The following LGSN variants were observed in gnomAD, a reference collection of about 807,000 sequenced individuals.
LGSN encodes the protein lengsin, lens protein with glutamine synthetase domain.
LGSN carries 21 observed loss-of-function variants against 19.5 expected under a neutral mutation model. That is an observed-to-expected ratio of 1.07 (90% CI 0.76 to 1.55). The LOEUF (loss-of-function observed/expected upper bound fraction) is 1.55. Ranked by LOEUF, LGSN falls within the 40% of genes most tolerant of loss-of-function variation. LGSN has a pLI of 0.00. For synonymous variants in LGSN, 257 were observed against 215.6 expected (o/e 1.19, Z -1.68); for missense variants, 673 against 608.5 (o/e 1.11, Z -1.12).
At chr6:63,448,793 A>G in the LGSN span, among the ~76,000 whole-genome samples, 1 of 151,462 alleles carries the variant, frequency 6.6e-6, no homozygotes, top group African/African-American at 2.4e-5. Flanking sequence ...CTTCTGTGTC[A>G]TGGATTTCAC....
chr6:63,413,672 C>T, the LGSN span, among the ~76,000 whole-genome samples: 17,545 of 152,094 alleles, frequency 0.12, 2,018 homozygotes, highest in African/African-American at 0.3. Flanking sequence ...ATGTATTGCA[C>T]AAAGGTTGTG....
the LGSN span, among the ~76,000 whole-genome samples, chr6:63,398,207 TAA>T: frequency 0.028 from 3,107 of 109,710 alleles, 82 homozygotes; most frequent in African/African-American, 0.068. Flanking sequence ...TCCTATTTAC[TAA>T]AAAAAAAAAA....
chr6:63,546,290 A>G, the LGSN span, among the ~76,000 whole-genome samples: 1,774 of 152,354 alleles, frequency 0.012, 29 homozygotes, highest in African/African-American at 0.04. Context: ...AGGCACAGAA[A>G]GACACATACT....
the LGSN span, among the ~76,000 whole-genome samples, chr6:63,504,839 T>A: frequency 6.6e-6 from 1 of 152,210 alleles, no homozygotes; most frequent in Non-Finnish European, 1.5e-5. Context: ...ACTAAGTGGA[T>A]TTTATTCAAG....
the LGSN span, among the ~76,000 whole-genome samples, chr6:63,446,243 CAAAAAAAAAAAAA>C: frequency 1.3e-5 from 1 of 74,744 alleles, no homozygotes; most frequent in East Asian, 4.1e-4. Context: ...GACTGTGTCT[CAAAAAAAAAAAAA>C]AAAAAAAACG....
Position 63,308,789 on chromosome 6 carries a change from C to T in LGSN, c.30+11125G>A, listed in dbSNP as rs192751803. ...TGTTAGAAATAGTGGAAAAAGGGAT[C>T]GATAATTATCAAACTTAAAAGAATA... On this transcript the variant is annotated intron_variant, in intron 1 of 3. Coordinates refer to ENST00000370657, the MANE Select transcript of LGSN (RefSeq NM_016571.3). Among the ~76,000 whole-genome samples the T allele has an allele frequency of 1.3e-3, 202 of 151,882 alleles. 2 individuals are homozygous for T. The highest frequency in any genetic ancestry group is 4.3e-3 in the African/African-American group (178 of 41,386).
At chr6:63,304,200 GAAC>G (rs1422333610) in intron 1 of LGSN, among the ~76,000 whole-genome samples, 5 of 152,214 alleles carry the variant, frequency 3.3e-5, no homozygotes, top group African/African-American at 1.2e-4. Context: ...GTCAGAAACA[GAAC>G]ATCAGTCCAC....
the LGSN span, among the ~76,000 whole-genome samples, chr6:63,568,107 G>GT: frequency 6.6e-6 from 1 of 152,324 alleles, no homozygotes; most frequent in African/African-American, 2.4e-5. Context: ...CAATGAGGCT[G>GT]TTTCACTTTC....
chr6:63,551,030 T>A, the LGSN span, among the ~76,000 whole-genome samples: 3 of 151,912 alleles, frequency 2.0e-5, no homozygotes, highest in Admixed American at 6.6e-5. Context: ...AGGTTTTTTT[T>A]ATTTATGAAA....
the LGSN span, among the ~76,000 whole-genome samples, chr6:63,518,879 G>C: frequency 6.6e-6 from 1 of 152,282 alleles, no homozygotes; most frequent in South Asian, 2.1e-4. Context: ...TGTTTTGGAA[G>C]TCAGTATCTT....
the LGSN span, among the ~76,000 whole-genome samples, chr6:63,481,504 G>T: frequency 7.5e-6 from 1 of 132,754 alleles, no homozygotes; most frequent in Non-Finnish European, 1.7e-5. Flanking sequence ...CACCATGCCC[G>T]GCTAATTTTT....
the LGSN span, among the ~76,000 whole-genome samples, chr6:63,428,026 GT>G: frequency 2.0e-5 from 3 of 152,140 alleles, no homozygotes; most frequent in South Asian, 2.1e-4. Context: ...AAATTACGCT[GT>G]TTTTATCACA....
the LGSN span, among the ~76,000 whole-genome samples, chr6:63,373,699 G>C: frequency 6.6e-6 from 1 of 152,138 alleles, no homozygotes; most frequent in Admixed American, 6.6e-5. Flanking sequence ...GGGGCAGGGA[G>C]TGGTGGCTCA....
At chr6:63,423,610 C>T in the LGSN span, among the ~76,000 whole-genome samples, 2 of 150,104 alleles carry the variant, frequency 1.3e-5, no homozygotes, top group African/African-American at 2.5e-5. Flanking sequence ...GGTGACAAAG[C>T]GAGACCCTGT....
At chr6:63,464,886 C>T in the LGSN span, among the ~76,000 whole-genome samples, 2 of 151,678 alleles carry the variant, frequency 1.3e-5, no homozygotes, top group South Asian at 4.2e-4. Flanking sequence ...AGTAGCTAGG[C>T]ATGGTGGTGG....
At chr6:63,525,657 A>G in the LGSN span, among the ~76,000 whole-genome samples, 1 of 152,002 alleles carries the variant, frequency 6.6e-6, no homozygotes, top group African/African-American at 2.4e-5. Flanking sequence ...TCCAGCTTCC[A>G]CCTTCTCCAA....
chr6:63,530,590 C>G, the LGSN span, among the ~76,000 whole-genome samples: 1 of 151,978 alleles, frequency 6.6e-6, no homozygotes, highest in Non-Finnish European at 1.5e-5. Flanking sequence ...AACATGGAGG[C>G]CCTTCTGTGC....
At chr6:63,425,759 T>A in the LGSN span, among the ~76,000 whole-genome samples, 1 of 151,498 alleles carries the variant, frequency 6.6e-6, no homozygotes, top group Admixed American at 6.6e-5. Context: ...ATTGCTTCAG[T>A]CCAAAAATTC....
At chr6:63,470,097 A>G in the LGSN span, among the ~76,000 whole-genome samples, 1 of 151,896 alleles carries the variant, frequency 6.6e-6, no homozygotes, top group Admixed American at 6.6e-5. Flanking sequence ...AAAGAGAGAC[A>G]GAGGGAGGGA....
Sources: gnomAD v4.1 joint callset for allele counts (sites outside exome capture counted in the v4.1 genomes callset) on GRCh38, gnomAD v4.1.1 for gene constraint, MANE v1.5 for transcripts, NCBI Gene and HGNC (gene_info 2026-07-23, HGNC 2026-07-21) for gene names.